The following ZWILCH variants were observed in gnomAD, a reference collection of about 807,000 sequenced individuals.
ZWILCH encodes the protein zwilch kinetochore protein, also known as protein zwilch homolog.
In ZWILCH, 74 loss-of-function variants were observed where a neutral mutation model predicts 79.9. The ratio of observed to expected loss-of-function variants is 0.93; its 90% confidence interval spans 0.77 to 1.12. The LOEUF (loss-of-function observed/expected upper bound fraction) is 1.12, where lower values mean the gene tolerates loss of function less well. Ranked by LOEUF, ZWILCH falls within the 50% of genes most tolerant of loss-of-function variation. ZWILCH has a pLI of 0.00. For synonymous variants in ZWILCH, 241 were observed against 228.2 expected (o/e 1.06, Z -0.51); for missense variants, 694 against 687.5 (o/e 1.01, Z -0.11).
intron 18 of ZWILCH, 34 bp downstream of exon 18, chr15:66,546,739 A>C: frequency 8.4e-7 from 1 of 1,197,384 alleles, no homozygotes; most frequent in Non-Finnish European, 1.2e-6. Context: ...TCTTTGTCAA[A>C]TACTTTGTAA....
chr15:66,533,712 C>T (rs947520890), intron 14 of ZWILCH, among the ~76,000 whole-genome samples: 2 of 140,542 alleles, frequency 1.4e-5, no homozygotes, highest in African/African-American at 5.3e-5. Flanking sequence ...CTAGCAAAAA[C>T]TACACACACA....
chr15:66,531,218 C>G (rs957310805), intron 12 of ZWILCH, among the ~76,000 whole-genome samples: 2 of 152,158 alleles, frequency 1.3e-5, no homozygotes, highest in Non-Finnish European at 2.9e-5. Context: ...TATGAACATG[C>G]ATGGACCATT....
rs1895533025 is a variant in ZWILCH at position 66,549,861 on chromosome 15, TAAATGCTTTA to T, written c.*1546_*1555del. The T allele has an allele frequency of 2.2e-6, 1 of 462,824 alleles. No homozygotes were observed. Among genetic ancestry groups the T allele is most frequent in the African/African-American group, 2.0e-5 (1 of 49,140 alleles). 28.7% of individuals were successfully genotyped at this position (462,824 alleles called of 1,614,324 possible). The stretch of plus-strand genomic sequence containing the variant: ...AAAATGTTTATCTTTCATGGTAGAT[TAAATGCTTTA>T]AAATGCTTATAAATAGAAATTTGAC... On this transcript the variant is annotated 3_prime_UTR_variant, in exon 19 of 19. Coordinates refer to ENST00000307897, the MANE Select transcript of ZWILCH (RefSeq NM_017975.5).
intron 14 of ZWILCH, among the ~76,000 whole-genome samples, chr15:66,535,255 C>A (rs1442081571): frequency 6.6e-6 from 1 of 152,108 alleles, no homozygotes; most frequent in Admixed American, 6.6e-5. Flanking sequence ...CTGCCTGAGG[C>A]TCTTTTTGAG....
intron 18 of ZWILCH, 52 bp from the exon 19 acceptor site, chr15:66,548,299 G>GT (rs566686893): frequency 0.049 from 16,757 of 339,142 alleles, 11 homozygotes; most frequent in East Asian, 0.062. Context: ...GATTACAAGT[G>GT]TTTTTTTTTT....
chr15:66,536,299 A>G (rs1895015854), intron 15 of ZWILCH, among the ~76,000 whole-genome samples: 1 of 152,190 alleles, frequency 6.6e-6, no homozygotes, highest in African/African-American at 2.4e-5. Context: ...GGAAGTTTCC[A>G]TCACTGAATC....
At chr15:66,518,849 C>G (rs771877010) in intron 4 of ZWILCH, 30 bp from the exon 5 acceptor site, 3 of 1,586,466 alleles carry the variant, frequency 1.9e-6, no homozygotes, top group Admixed American at 3.4e-5. Flanking sequence ...AAATCTCTAT[C>G]TATAATTTGT....
Position 66,515,534 on chromosome 15 carries a change from A to G in ZWILCH, c.210A>G (p.Glu70=). 6.2e-7 allele frequency: 1 copy of G among 1,600,550 alleles called. No homozygotes were observed. The highest frequency in any genetic ancestry group is 8.5e-7 in the Non-Finnish European group (1 of 1,172,406). The part of the protein sequence containing the change: ...IVFIVEKVPL[E]KEETSHIEEL... ...TAAGAACATTTTTAAAGCCTTTAGA[A>G]AAGGAAGAAACAAGTCATATTGAAG... Residue 70 remains glutamate, a synonymous_variant, in exon 4 of 19, where the codon GAA becomes GAG. Transcript: ENST00000307897.
At chr15:66,528,010 G>T in intron 10 of ZWILCH, 98 bp downstream of exon 10, 1 of 932,636 alleles carries the variant, frequency 1.1e-6, no homozygotes, top group Non-Finnish European at 1.6e-6. Flanking sequence ...AATGGATTTG[G>T]GATATCAAGG....
chr15:66,520,090 GTGC>G (rs1001181037), intron 5 of ZWILCH, among the ~76,000 whole-genome samples: 1 of 152,054 alleles, frequency 6.6e-6, no homozygotes, highest in African/African-American at 2.4e-5. Context: ...TTACAGGCAA[GTGC>G]TGCTGCGCCT....
intron 14 of ZWILCH, among the ~76,000 whole-genome samples, chr15:66,533,712 C>G (rs947520890): frequency 7.1e-6 from 1 of 140,544 alleles, no homozygotes; most frequent in Non-Finnish European, 1.6e-5. Context: ...CTAGCAAAAA[C>G]TACACACACA....
intron 14 of ZWILCH, among the ~76,000 whole-genome samples, chr15:66,533,532 T>C (rs1444791929): frequency 1.3e-5 from 2 of 152,178 alleles, no homozygotes; most frequent in Non-Finnish European, 2.9e-5. Flanking sequence ...CTTTTGAAAA[T>C]GAATTTATAG....
intron 7 of ZWILCH, 179 bp from the exon 8 acceptor site, chr15:66,523,498 T>C: frequency 5.7e-6 from 3 of 527,696 alleles, no homozygotes; most frequent in Non-Finnish European, 6.8e-6. Context: ...TGGGTCAAGA[T>C]GGCAAAATCT....
Position 66,532,241 on chromosome 15 carries a change from T to G in ZWILCH, c.1156-6T>G. On this transcript the variant is annotated splice_region_variant and splice_polypyrimidine_tract_variant and intron_variant, in intron 12 of 18. Coordinates refer to ENST00000307897, the MANE Select transcript of ZWILCH (RefSeq NM_017975.5). Reference sequence around the variant, plus strand: ...CATGGTTTTATAAAATTTTCCTGATTTCTAGCTCCATAGTGGAAGTAACAG... The same window carrying G: ...CATGGTTTTATAAAATTTTCCTGATGTCTAGCTCCATAGTGGAAGTAACAG... 1 of 1,568,028 alleles carries G rather than the reference T, an allele frequency of 6.4e-7. No individual in the cohort carries two copies. The highest frequency in any genetic ancestry group is 8.6e-7 in the Non-Finnish European group (1 of 1,164,716).
chr15:66,514,266 T>C (rs1374175286), intron 3 of ZWILCH, 183 bp downstream of exon 3: 1 of 366,508 alleles, frequency 2.7e-6, no homozygotes, highest in Non-Finnish European at 5.0e-6. Flanking sequence ...TTTAACATTT[T>C]CTTGTAGCCT....
At position 66,544,724 on chromosome 15, in the gene ZWILCH, T is replaced by TTTTTTTTGTGTG. The variant is rs145952622; in HGVS notation, c.1688-1866_1688-1865insTTTTTTGTGTGT. Among the ~76,000 whole-genome samples, 84 of 128,540 alleles carry TTTTTTTTGTGTG rather than the reference T, an allele frequency of 6.5e-4. No homozygotes were observed. The Middle Eastern group carries it at 0.012, about 18-fold the overall frequency. The allele number at this position is 128,540 out of a possible 152,430, so 84.3% of individuals were successfully genotyped here. A position where few individuals can be genotyped will look rare whatever the true frequency, so the allele number is the denominator to read the frequency against. On this transcript the variant is annotated intron_variant, in intron 17 of 18. Transcript: ENST00000307897. The stretch of plus-strand genomic sequence containing the variant: ...TGTTTTTTTGTTGTTTTTTTGGTTT[T>TTTTTTTTGTGTG]TGTGTGTGTGTGTGTGTGTGTGTGT...
Position 66,550,099 on chromosome 15 carries a change from T to C in ZWILCH, c.*1775T>C. On this transcript the variant is annotated 3_prime_UTR_variant, in exon 19 of 19. Transcript: ENST00000307897. ...TTTCCAAAGCTTTGAGGTACCAACT[T>C]TCCACCTAATAAAAACCCACTTGAT... The C allele has an allele frequency of 6.3e-7, 1 of 1,597,194 alleles. No homozygotes were observed. Among genetic ancestry groups the C allele is most frequent in the Non-Finnish European group, 8.5e-7 (1 of 1,172,708 alleles).
chr15:66,512,612 G>A (rs77240472), intron 2 of ZWILCH, among the ~76,000 whole-genome samples: 2,414 of 151,038 alleles, frequency 0.016, 57 homozygotes, highest in African/African-American at 0.055. Flanking sequence ...GGCTAATAAC[G>A]GTAATGATTA....
At chr15:66,532,062 G>A (rs575758002) in intron 12 of ZWILCH, among the ~76,000 whole-genome samples, 185 bp from the exon 13 acceptor site, 1 of 152,244 alleles carries the variant, frequency 6.6e-6, no homozygotes, top group African/African-American at 2.4e-5. Context: ...GCAAGACTCT[G>A]TCTCAAAACA....
Sources: gnomAD v4.1 joint callset for allele counts (sites outside exome capture counted in the v4.1 genomes callset) on GRCh38, gnomAD v4.1.1 for gene constraint, MANE v1.5 for transcripts, NCBI Gene and HGNC (gene_info 2026-07-23, HGNC 2026-07-21) for gene names.